Variants in GALNTL6 observed in about 807,000 individuals in gnomAD.
GALNTL6 encodes polypeptide N-acetylgalactosaminyltransferase-like 6.
In GALNTL6, 46 loss-of-function variants were observed where a neutral mutation model predicts 73.7. The ratio of observed to expected loss-of-function variants is 0.62; its 90% confidence interval spans 0.49 to 0.80. The LOEUF (loss-of-function observed/expected upper bound fraction) is 0.80, where lower values mean the gene tolerates loss of function less well. Among genes scored for constraint, GALNTL6 ranks in the 30% least tolerant of loss-of-function variants. The pLI is 0.00. For missense variants in GALNTL6, 604 were observed against 755.0 expected (o/e 0.80, Z 2.34); for synonymous variants, 259 against 263.7 (o/e 0.98, Z 0.17).
chr4:172,412,523 T>C lies in GALNTL6; in HGVS notation c.553+63834T>C, dbSNP rs113431824. ...GCATAACGCAAGCAAAATATGCTTA[T>C]AGAAGTCCAGATATCTACAGACTTT... On this transcript the variant is annotated intron_variant, in intron 5 of 12. Coordinates refer to ENST00000506823, the MANE Select transcript of GALNTL6 (RefSeq NM_001034845.3). 3.6e-3 allele frequency among the ~76,000 whole-genome samples: 544 copies of C among 152,318 alleles called. 2 individuals are homozygous for C. Among genetic ancestry groups the C allele is most frequent in the African/African-American group, 9.4e-3 (390 of 41,578 alleles).
At chr4:172,282,137 C>T (rs538650205) in intron 3 of GALNTL6, among the ~76,000 whole-genome samples, 4 of 152,178 alleles carry the variant, frequency 2.6e-5, no homozygotes, top group Admixed American at 1.3e-4. Context: ...ACAACTGACA[C>T]GGGGACTTAT....
At position 172,045,337 on chromosome 4, in the gene GALNTL6, C is replaced by T. The variant is rs1046059984; in HGVS notation, c.139-184319C>T. Among the ~76,000 whole-genome samples the T allele has an allele frequency of 2.6e-5, 4 of 151,932 alleles. 1 individual carries two copies. The highest frequency in any genetic ancestry group is 6.6e-5 in the Admixed American group (1 of 15,216). Reference sequence around the variant, plus strand: ...GCTCCACAAAATTTGTCCATATTTACGTGGAAAAATATAACCTGTTAATTG... The same window carrying T: ...GCTCCACAAAATTTGTCCATATTTATGTGGAAAAATATAACCTGTTAATTG... On this transcript the variant is annotated intron_variant, in intron 2 of 12. Transcript: ENST00000506823.
chr4:172,918,360 C>T (rs2111285237), intron 8 of GALNTL6, among the ~76,000 whole-genome samples: 1 of 151,818 alleles, frequency 6.6e-6, no homozygotes, highest in East Asian at 1.9e-4. Flanking sequence ...ACATTGTGCA[C>T]ATGTACCCTA....
chr4:172,699,596 A>T lies in GALNTL6; in HGVS notation c.554-109765A>T, dbSNP rs76693654. The stretch of plus-strand genomic sequence containing the variant: ...TAAAAAGAAGGAGCTCATGTAAGAA[A>T]CTTATGTGAAGAACAGAAATGCCAT... On this transcript the variant is annotated intron_variant, in intron 5 of 12. Transcript: ENST00000506823. Among the ~76,000 whole-genome samples the T allele has an allele frequency of 2.5e-3, 381 of 152,300 alleles. 5 individuals are homozygous for T. The East Asian group carries it at 0.042, about 17-fold the overall frequency.
intron 5 of GALNTL6, among the ~76,000 whole-genome samples, chr4:172,636,648 G>C (rs1739699748): frequency 6.6e-6 from 1 of 152,170 alleles, no homozygotes; most frequent in African/African-American, 2.4e-5. Context: ...CCTTCAAAAG[G>C]AGTACAGCCC....
At chr4:172,443,166 C>CTTT (rs34479815) in intron 5 of GALNTL6, among the ~76,000 whole-genome samples, 2 of 61,136 alleles carry the variant, frequency 3.3e-5, no homozygotes, top group Non-Finnish European at 3.1e-5. Context: ...ATATATATTT[C>CTTT]TTTTTTTTTT....
chr4:172,459,062 C>T (rs766995533), intron 5 of GALNTL6, among the ~76,000 whole-genome samples: 12 of 152,190 alleles, frequency 7.9e-5, no homozygotes, highest in Non-Finnish European at 1.2e-4. Flanking sequence ...GTTCAACATA[C>T]GGAAATCAAT....
At chr4:173,001,355 A>C (rs1752037640) in intron 10 of GALNTL6, among the ~76,000 whole-genome samples, 1 of 152,238 alleles carries the variant, frequency 6.6e-6, no homozygotes, top group East Asian at 1.9e-4. Context: ...AATTTACTTT[A>C]CACTATACAC....
chr4:172,308,123 G>A (rs1331823909), intron 3 of GALNTL6, among the ~76,000 whole-genome samples: 4 of 136,012 alleles, frequency 2.9e-5, no homozygotes, highest in Non-Finnish European at 4.6e-5. Context: ...TGTATTCATC[G>A]ATTTTGTATA....
intron 5 of GALNTL6, among the ~76,000 whole-genome samples, chr4:172,489,352 A>C (rs1223283708): frequency 6.6e-6 from 1 of 152,242 alleles, no homozygotes; most frequent in Non-Finnish European, 1.5e-5. Flanking sequence ...AATAGTTTTC[A>C]AGGAAAAAAT....
At chr4:172,410,078 A>G (rs1326279580) in intron 5 of GALNTL6, among the ~76,000 whole-genome samples, 1 of 152,018 alleles carries the variant, frequency 6.6e-6, no homozygotes, top group Admixed American at 6.6e-5. Flanking sequence ...TTCATTAAAA[A>G]CAAGATACCA....
chr4:172,937,002 C>A (rs1044456895), intron 9 of GALNTL6, among the ~76,000 whole-genome samples: 14 of 151,918 alleles, frequency 9.2e-5, no homozygotes, highest in Admixed American at 9.2e-4. Context: ...CTGGAGCAGC[C>A]TGGGCATCTC....
At chr4:171,829,604 C>T (rs1358502682) in intron 2 of GALNTL6, among the ~76,000 whole-genome samples, 1 of 152,094 alleles carries the variant, frequency 6.6e-6, no homozygotes, top group Admixed American at 6.6e-5. Context: ...TGGTTAATTT[C>T]TACTTTTCGT....
chr4:171,905,898 G>A (rs1394094380), intron 2 of GALNTL6, among the ~76,000 whole-genome samples: 4 of 150,490 alleles, frequency 2.7e-5, no homozygotes, highest in Non-Finnish European at 5.9e-5. Context: ...TGACTACTGG[G>A]TACATAATGA....
intron 5 of GALNTL6, chr4:172,667,455 G>A (rs980730727): frequency 1.3e-5 from 2 of 152,198 alleles, no homozygotes; most frequent in African/African-American, 4.8e-5. Flanking sequence ...AGTGATGGAC[G>A]GGGTGTGTTC....
chr4:172,870,315 C>G (rs1170671079), intron 7 of GALNTL6, among the ~76,000 whole-genome samples: 2 of 152,124 alleles, frequency 1.3e-5, no homozygotes, highest in African/African-American at 4.8e-5. Flanking sequence ...AATGCTCCTC[C>G]CTCAGTCTCC....
At chr4:172,715,320 C>T (rs545542492) in intron 5 of GALNTL6, among the ~76,000 whole-genome samples, 1 of 152,294 alleles carries the variant, frequency 6.6e-6, no homozygotes, top group Admixed American at 6.5e-5. Context: ...GTGGACATGC[C>T]TGCATGCATG....
rs1236913753 is a variant in GALNTL6 at position 172,226,577 on chromosome 4, GTGTC to G, written c.139-3075_139-3072del. Reference sequence around the variant, plus strand: ...AAGTTCTGTGTGTGTGTGTGTGTGTGTGTCTGTGTGTCTGTGTGTGTGTGTTTCT... The same window carrying G: ...AAGTTCTGTGTGTGTGTGTGTGTGTGTGTGTGTCTGTGTGTGTGTGTTTCT... On this transcript the variant is annotated intron_variant, in intron 2 of 12. Coordinates refer to ENST00000506823, the MANE Select transcript of GALNTL6 (RefSeq NM_001034845.3). 9.4e-5 allele frequency among the ~76,000 whole-genome samples: 7 copies of G among 74,174 alleles called. No individual in the cohort carries two copies. The South Asian group carries it at 2.0e-3, about 22-fold the overall frequency. The allele number at this position is 74,174 out of a possible 152,430, so 48.7% of individuals were successfully genotyped here. A position where few individuals can be genotyped will look rare whatever the true frequency, so the allele number is the denominator to read the frequency against.
At chr4:172,183,210 T>C (rs1457553298) in intron 2 of GALNTL6, among the ~76,000 whole-genome samples, 1 of 152,230 alleles carries the variant, frequency 6.6e-6, no homozygotes, top group African/African-American at 2.4e-5. Context: ...TTTGAACATA[T>C]CTGTTTTACC....
Sources: allele counts gnomAD v4.1 joint callset (sites outside exome capture counted in the v4.1 genomes callset), GRCh38; gene constraint gnomAD v4.1.1; transcripts MANE v1.5; gene names NCBI Gene and HGNC (gene_info 2026-07-23, HGNC 2026-07-21).